Variants in OSBP observed in about 807,000 individuals in gnomAD.
OSBP encodes oxysterol-binding protein 1.
Under a neutral mutation model 96.6 loss-of-function variants are expected in OSBP, and 32 were observed. That is an observed-to-expected ratio of 0.33 (90% CI 0.25 to 0.45). The LOEUF (loss-of-function observed/expected upper bound fraction) is 0.45, where lower values mean the gene tolerates loss of function less well. OSBP is among the 20% of genes least tolerant of loss of function. The pLI is 1.00. For synonymous variants in OSBP, 369 were observed against 389.6 expected (o/e 0.95, Z 0.62); for missense variants, 653 against 1,029.7 (o/e 0.63, Z 5.01).
At chr11:59,589,541 C>A (rs1305117675) in intron 9 of OSBP, among the ~76,000 whole-genome samples, 1 of 151,588 alleles carries the variant, frequency 6.6e-6, no homozygotes, top group Non-Finnish European at 1.5e-5. Flanking sequence ...GCGGAGGTTG[C>A]AATAAGCAGA....
rs770463074 is a variant in OSBP at position 59,608,597 on chromosome 11, G to A, written c.709C>T (p.Arg237Cys). Residue 237 changes from arginine to cysteine, a missense_variant, in exon 3 of 14, where the codon CGT (arginine) becomes TGT (cysteine). Transcript: ENST00000263847. ...AGGGACTCCAGCTCACTGAGAGAAC[G>A]CTGCAGAGCTGTGCCATGCTTAGCT... is the stretch of plus-strand genomic sequence containing the variant. The part of the protein sequence containing the change: ...LIAKHGTALQ[R>C]SLSELESLKL... The A allele has an allele frequency of 6.8e-6, 11 of 1,614,116 alleles. No homozygotes were observed. Among genetic ancestry groups the A allele is most frequent in the South Asian group, 2.2e-5 (2 of 91,076 alleles).
At chr11:59,607,909 C>T (rs1026537168) in intron 3 of OSBP, among the ~76,000 whole-genome samples, 2 of 152,088 alleles carry the variant, frequency 1.3e-5, no homozygotes, top group Admixed American at 6.6e-5. Context: ...GTCTTATCAT[C>T]GAAATTATCC....
rs1860727304 is a variant in OSBP, at chr11:59,601,749, C to G, written c.912G>C (p.Leu304=). 1 of 1,614,062 alleles carries G rather than the reference C, an allele frequency of 6.2e-7. No individual in the cohort carries two copies. The highest frequency in any genetic ancestry group is 1.3e-5 in the African/African-American group (1 of 74,924). Residue 304 remains leucine (L), a synonymous_variant, in exon 4 of 14, where the codon CTG becomes CTC. Transcript: ENST00000263847. ...TCGCCAGCTGCTCGAGGGTTTCTTC[C>G]AGTCGGATACGCTGGTCTCTTTCAT... ...LQYERDQRIR[L]EETLEQLAKQ...
At chr11:59,588,999 C>T (rs1241428326) in intron 9 of OSBP, among the ~76,000 whole-genome samples, 2 of 149,488 alleles carry the variant, frequency 1.3e-5, no homozygotes, top group South Asian at 2.1e-4. Flanking sequence ...AGCGAGACTC[C>T]GTCTGAAAAA....
At chr11:59,604,226 C>T in intron 3 of OSBP, among the ~76,000 whole-genome samples, 1 of 152,092 alleles carries the variant, frequency 6.6e-6, no homozygotes, top group East Asian at 1.9e-4. Context: ...CCACATTAGG[C>T]TCACAATAAA....
At chr11:59,602,823 T>C (rs1205127699) in intron 3 of OSBP, among the ~76,000 whole-genome samples, 1 of 152,182 alleles carries the variant, frequency 6.6e-6, no homozygotes, top group Non-Finnish European at 1.5e-5. Flanking sequence ...TTTTGCCTTG[T>C]TACCCAGACT....
At chr11:59,586,343 C>T (rs1860500019) in intron 9 of OSBP, among the ~76,000 whole-genome samples, 1 of 151,426 alleles carries the variant, frequency 6.6e-6, no homozygotes, top group African/African-American at 2.4e-5. Context: ...TCAAAAAGAA[C>T]ACTTAGGAAT....
Position 59,615,428 on chromosome 11 carries a change from C to A in OSBP, c.237G>T (p.Ser79=). ...GPAPAPPTGG[S]GGSGAGGSGS... ...CCGAACCCCCAGCGCCCGAGCCGCC[C>A]GAGCCCCCAGTCGGCGGCGCAGGGG... The change falls in exon 1 of 14, where the codon TCG becomes TCT. Residue 79 remains serine, a synonymous_variant. Transcript: ENST00000263847. The A allele has an allele frequency of 6.7e-7, 1 of 1,502,314 alleles. No individual in the cohort carries two copies. Among genetic ancestry groups the A allele is most frequent in the East Asian group, 2.8e-5 (1 of 35,264 alleles). 93.1% of individuals were successfully genotyped at this position (1,502,314 alleles called of 1,614,324 possible). A position where few individuals can be genotyped will look rare whatever the true frequency, so the allele number is the denominator to read the frequency against.
rs1565113535 is a variant in OSBP, at chr11:59,579,676, A to AGTCTTTTTT, written c.1878+497_1878+498insAAAAAAGAC. On this transcript the variant is annotated intron_variant, in intron 11 of 13. Transcript: ENST00000263847. ...CCCAGAAAAGAGAAGGAATTGGCTT[A>AGTCTTTTTT]GTAGTAATACAATATAGTCTTTCTT... is the stretch of plus-strand genomic sequence containing the variant. 6.6e-5 allele frequency among the ~76,000 whole-genome samples: 10 copies of AGTCTTTTTT among 151,566 alleles called. No individual in the cohort carries two copies. The East Asian group carries it at 1.4e-3, about 21-fold the overall frequency.
chr11:59,593,459 A>G (rs1860610011), intron 9 of OSBP, 145 bp downstream of exon 9: 2 of 813,590 alleles, frequency 2.5e-6, no homozygotes, highest in South Asian at 3.4e-5. Flanking sequence ...CTGAAAAGTT[A>G]AATACCTGCC....
At chr11:59,581,917 G>C (rs1256904516) in intron 9 of OSBP, among the ~76,000 whole-genome samples, 1 of 152,218 alleles carries the variant, frequency 6.6e-6, no homozygotes, top group Non-Finnish European at 1.5e-5. Context: ...CACATTGGTA[G>C]TCTGTACCGG....
chr11:59,609,485 G>GAAAAAAAAAAAAA (rs1031021294), intron 2 of OSBP, among the ~76,000 whole-genome samples: 1 of 98,306 alleles, frequency 1.0e-5, no homozygotes, highest in Non-Finnish European at 2.2e-5. Context: ...CTAAAAGCAA[G>GAAAAAAAAAAAAA]AAAAAAAAAA....
intron 10 of OSBP, 81 bp downstream of exon 10, chr11:59,581,370 C>A: frequency 1.4e-6 from 1 of 700,414 alleles, no homozygotes; most frequent in Non-Finnish European, 2.4e-6. Context: ...GAGACCAGTT[C>A]ACATGTCCTA....
intron 7 of OSBP, among the ~76,000 whole-genome samples, chr11:59,598,272 C>G (rs1049895517): frequency 6.6e-6 from 1 of 152,168 alleles, no homozygotes; most frequent in Non-Finnish European, 1.5e-5. Context: ...AAGACGTAGC[C>G]CCTGATCACA....
In OSBP at chr11:59,576,440, T is replaced by C. The variant is rs780766297; in HGVS notation, c.*137A>G. 119 of 991,668 alleles carry C rather than the reference T, an allele frequency of 1.2e-4. 1 individual carries two copies. The highest frequency in any genetic ancestry group is 4.5e-4 in the Admixed American group (19 of 42,576). 61.4% of individuals were successfully genotyped at this position (991,668 alleles called of 1,614,324 possible). Reference sequence around the variant, plus strand: ...CACCACTGGTGTCTCCTTCTGGTGATTGATTTGGAAAAAATGATTGGTCAA... The same window carrying C: ...CACCACTGGTGTCTCCTTCTGGTGACTGATTTGGAAAAAATGATTGGTCAA... On this transcript the variant is annotated 3_prime_UTR_variant, in exon 14 of 14. Transcript: ENST00000263847.
chr11:59,610,639 CT>C, intron 1 of OSBP, 50 bp from the exon 2 acceptor site: 2 of 1,404,952 alleles, frequency 1.4e-6, no homozygotes, highest in South Asian at 1.2e-5. Context: ...ACGGTTTATC[CT>C]TTATCACATT....
intron 1 of OSBP, among the ~76,000 whole-genome samples, chr11:59,612,887 T>C (rs1312866123): frequency 6.6e-6 from 1 of 152,176 alleles, no homozygotes; most frequent in Non-Finnish European, 1.5e-5. Flanking sequence ...TCTAAGTAAC[T>C]GGGTACGTAA....
At chr11:59,581,367 G>A in intron 10 of OSBP, 84 bp downstream of exon 10, 1 of 677,282 alleles carries the variant, frequency 1.5e-6, no homozygotes, top group Non-Finnish European at 2.5e-6. Flanking sequence ...TCTGAGACCA[G>A]TTCACATGTC....
At position 59,601,380 on chromosome 11, in the gene OSBP, A is replaced by G. The variant is rs749150844; in HGVS notation, c.1027T>C (p.Cys343Arg). Residue 343 changes from cysteine to arginine, a missense_variant, in exon 5 of 14, where the codon TGC becomes CGC. Physicochemically the swap from Cys to Arg is radical, Grantham distance 180. Coordinates refer to ENST00000263847, the MANE Select transcript of OSBP (RefSeq NM_002556.3). ...CTCATGTCCCCTTTGCCAGAGCAGC[A>G]CTGATCTACAAGAAGAAAAGCCCCA... ...PGNVGSGKDQ[C>R]CSGKGDMSDE... 6.2e-7 allele frequency: 1 copy of G among 1,605,294 alleles called. No individual in the cohort carries two copies. The highest frequency in any genetic ancestry group is 8.5e-7 in the Non-Finnish European group (1 of 1,172,968).
Sources: allele counts gnomAD v4.1 joint callset (sites outside exome capture counted in the v4.1 genomes callset), GRCh38; gene constraint gnomAD v4.1.1; transcripts MANE v1.5; gene names NCBI Gene and HGNC (gene_info 2026-07-23, HGNC 2026-07-21).